The following EYS variants were observed in gnomAD, a reference collection of about 807,000 sequenced individuals.
EYS encodes the protein EGF-like photoreceptor maintenance factor.
In EYS, 250 loss-of-function variants were observed where a neutral mutation model predicts 282.1. The ratio of observed to expected loss-of-function variants is 0.89; its 90% CI spans 0.80 to 0.98. EYS has a LOEUF of 0.98. EYS is among the 50% of genes least tolerant of loss of function. The pLI is 0.00. For missense variants in EYS, 4,016 were observed against 3,709.0 expected (o/e 1.08, Z -2.15); for synonymous variants, 1,355 against 1,282.9 (o/e 1.06, Z -1.20).
At chr6:63,969,439 C>G (rs1766454179) in intron 35 of EYS, among the ~76,000 whole-genome samples, 1 of 152,102 alleles carries the variant, frequency 6.6e-6, no homozygotes, top group South Asian at 2.1e-4. Flanking sequence ...AAATTCTAAG[C>G]AGAGAGAATA....
intron 12 of EYS, among the ~76,000 whole-genome samples, chr6:65,208,572 T>C (rs1029099485): frequency 2.6e-5 from 4 of 152,026 alleles, no homozygotes; most frequent in South Asian, 2.1e-4. Context: ...CAATGGTTGA[T>C]TGGATAAAGA....
chr6:64,001,143 A>T (rs921876475), intron 33 of EYS, among the ~76,000 whole-genome samples: 1 of 152,220 alleles, frequency 6.6e-6, no homozygotes, highest in African/African-American at 2.4e-5. Context: ...GATCTTAGGC[A>T]AACCACTTAA....
At chr6:65,222,663 G>A (rs1766500069) in intron 12 of EYS, among the ~76,000 whole-genome samples, 1 of 152,156 alleles carries the variant, frequency 6.6e-6, no homozygotes, top group African/African-American at 2.4e-5. Context: ...AGTTTTACAA[G>A]GATGCATATA....
intron 31 of EYS, among the ~76,000 whole-genome samples, chr6:64,221,630 C>A (rs2150333475): frequency 6.6e-6 from 1 of 152,226 alleles, no homozygotes; most frequent in East Asian, 1.9e-4. Flanking sequence ...GTTTCAGTTA[C>A]TCCATGGGCA....
chr6:64,167,103 A>T (rs1764313486), intron 31 of EYS, among the ~76,000 whole-genome samples: 1 of 152,224 alleles, frequency 6.6e-6, no homozygotes, highest in African/African-American at 2.4e-5. Flanking sequence ...AGTGAGAAAG[A>T]TTTCATTTAG....
rs146619350 is a variant in EYS at position 64,401,677 on chromosome 6, T to C, written c.5928-12837A>G. Among the ~76,000 whole-genome samples, 278 of 152,162 alleles carry C rather than the reference T, an allele frequency of 1.8e-3. 1 individual carries two copies. Among genetic ancestry groups the C allele is most frequent in the African/African-American group, 6.2e-3 (256 of 41,550 alleles). The stretch of plus-strand genomic sequence containing the variant: ...ATATTCATTAGCTTAAAAATACTTA[T>C]TAAACTGCAACTACAAATTGATTTT... On this transcript the variant is annotated intron_variant, in intron 28 of 42. Coordinates refer to ENST00000503581, the MANE Select transcript of EYS (RefSeq NM_001142800.2).
intron 33 of EYS, among the ~76,000 whole-genome samples, chr6:64,064,399 T>C (rs1771290999): frequency 6.6e-6 from 1 of 152,152 alleles, no homozygotes; most frequent in African/African-American, 2.4e-5. Context: ...GCTTAGCAGA[T>C]GAGCACTCAA....
chr6:65,007,133 G>A (rs1272660992), intron 13 of EYS, among the ~76,000 whole-genome samples: 3 of 152,072 alleles, frequency 2.0e-5, no homozygotes, highest in Admixed American at 2.0e-4. Context: ...ATGCAGGACT[G>A]CTACATAGGT....
chr6:64,661,872 C>T (rs1339604531), intron 22 of EYS, among the ~76,000 whole-genome samples: 3 of 139,718 alleles, frequency 2.1e-5, no homozygotes, highest in African/African-American at 2.8e-5. Flanking sequence ...ACCCAGCCAT[C>T]CCATTACTGG....
chr6:63,980,051 T>C (rs1225443780), intron 35 of EYS, among the ~76,000 whole-genome samples: 1 of 151,912 alleles, frequency 6.6e-6, no homozygotes, highest in Non-Finnish European at 1.5e-5. Context: ...AAATTAGTGA[T>C]GATTTTGCTT....
chr6:65,423,876 C>T (rs1405763186), intron 5 of EYS, among the ~76,000 whole-genome samples: 1 of 151,972 alleles, frequency 6.6e-6, no homozygotes, highest in Non-Finnish European at 1.5e-5. Flanking sequence ...CTAGGGTTTA[C>T]TTTATCCCTG....
chr6:63,875,755 G>C (rs891697762), intron 35 of EYS, among the ~76,000 whole-genome samples: 3 of 152,204 alleles, frequency 2.0e-5, no homozygotes, highest in Non-Finnish European at 4.4e-5. Context: ...TAGTTTATTT[G>C]CATAGATGTG....
At chr6:64,939,824 G>A (rs1412414471) in intron 15 of EYS, among the ~76,000 whole-genome samples, 3 of 151,870 alleles carry the variant, frequency 2.0e-5, no homozygotes, top group Admixed American at 6.6e-5. Flanking sequence ...TTCTTCTGAT[G>A]ACCATTTCAA....
intron 35 of EYS, among the ~76,000 whole-genome samples, chr6:63,888,920 G>T (rs950632706): frequency 2.0e-5 from 3 of 152,014 alleles, no homozygotes; most frequent in African/African-American, 4.8e-5. Context: ...TTCAAACTAG[G>T]GTAACCAGTT....
chr6:65,421,875 C>T (rs1352348675), intron 5 of EYS, among the ~76,000 whole-genome samples: 3 of 151,804 alleles, frequency 2.0e-5, no homozygotes, highest in African/African-American at 2.4e-5. Flanking sequence ...CGTATTATAT[C>T]GATGCAGTTG....
At chr6:64,650,650 T>C (rs867219751) in intron 22 of EYS, among the ~76,000 whole-genome samples, 3 of 152,024 alleles carry the variant, frequency 2.0e-5, no homozygotes, top group Non-Finnish European at 2.9e-5. Flanking sequence ...TCAGAGAATA[T>C]AGTAAAAATT....
At chr6:65,536,278 G>T (rs973688346) in intron 2 of EYS, among the ~76,000 whole-genome samples, 1 of 150,518 alleles carries the variant, frequency 6.6e-6, no homozygotes, top group Non-Finnish European at 1.5e-5. Flanking sequence ...TTAGAGACCA[G>T]ATAGGAAGAT....
chr6:65,148,923 G>A (rs1764546594), intron 12 of EYS, among the ~76,000 whole-genome samples: 1 of 152,042 alleles, frequency 6.6e-6, no homozygotes, highest in East Asian at 2.0e-4. Context: ...GCCCCTTTTA[G>A]CCATGGTTGG....
At chr6:65,499,359 G>T (rs1447289794) in intron 2 of EYS, among the ~76,000 whole-genome samples, 1 of 151,998 alleles carries the variant, frequency 6.6e-6, no homozygotes, top group Non-Finnish European at 1.5e-5. Context: ...ATTAAAGATA[G>T]TTGAGTAGAG....
Sources: gnomAD v4.1 joint callset for allele counts (sites outside exome capture counted in the v4.1 genomes callset) on GRCh38, gnomAD v4.1.1 for gene constraint, MANE v1.5 for transcripts, NCBI Gene and HGNC (gene_info 2026-07-23, HGNC 2026-07-21) for gene names.